PDZRN4: variants seen among roughly 807,000 people sequenced by gnomAD.
The protein encoded by PDZRN4 is PDZ domain containing ring finger 4, also known as PDZ domain-containing RING finger protein 4.
PDZRN4 carries 70 observed loss-of-function variants against 99.0 expected under a neutral mutation model. That is an observed-to-expected ratio of 0.71 (90% confidence interval 0.58 to 0.86). The LOEUF (loss-of-function observed/expected upper bound fraction) is 0.86, where lower values mean the gene tolerates loss of function less well. Among genes scored for constraint, PDZRN4 ranks in the 40% least tolerant of loss-of-function variants. The pLI is 0.00. For synonymous variants in PDZRN4, 551 were observed against 501.6 expected (o/e 1.10, Z -1.32); for missense variants, 1,474 against 1,331.2 (o/e 1.11, Z -1.67).
At chr12:41,503,825 G>A (rs368168113) in intron 3 of PDZRN4, among the ~76,000 whole-genome samples, 3 of 152,264 alleles carry the variant, frequency 2.0e-5, no homozygotes, top group East Asian at 1.9e-4. Flanking sequence ...GGAAGAAACC[G>A]TGGTCACGAG....
chr12:41,434,276 C>T (rs1952610183), intron 3 of PDZRN4, among the ~76,000 whole-genome samples: 1 of 152,080 alleles, frequency 6.6e-6, no homozygotes, highest in African/African-American at 2.4e-5. Flanking sequence ...GCTTAATATG[C>T]TCCTCTGTTC....
At position 41,478,031 on chromosome 12, in the gene PDZRN4, G is replaced by A. The variant is rs552211291; in HGVS notation, c.844-28425G>A. 70 of 686,824 alleles carry A rather than the reference G, an allele frequency of 1.0e-4. No individual in the cohort carries two copies. The African/African-American group carries it at 1.0e-3, about 10-fold the overall frequency. 42.5% of individuals were successfully genotyped at this position (686,824 alleles called of 1,614,324 possible). A position where few individuals can be genotyped will look rare whatever the true frequency, so the allele number is the denominator to read the frequency against. ...CAAATGTGGCTGCTTTGGTCTTTGT[G>A]ACCACTGGTTCTGTGTCCCCCAATA... On this transcript the variant is annotated intron_variant, in intron 3 of 9. Coordinates refer to ENST00000402685, the MANE Select transcript of PDZRN4 (RefSeq NM_001164595.2).
At chr12:41,271,820 A>G (rs773647605) in intron 3 of PDZRN4, among the ~76,000 whole-genome samples, 4 of 152,098 alleles carry the variant, frequency 2.6e-5, no homozygotes, top group Non-Finnish European at 4.4e-5. Flanking sequence ...TTACAATTGC[A>G]TTGAAAACAA....
chr12:41,241,723 T>A (rs1456251155), intron 3 of PDZRN4, among the ~76,000 whole-genome samples: 1 of 152,184 alleles, frequency 6.6e-6, no homozygotes, highest in Middle Eastern at 3.2e-3. Flanking sequence ...TGACCTTGTG[T>A]TTCTTAAGAT....
chr12:41,291,412 T>C (rs149884472), intron 3 of PDZRN4, among the ~76,000 whole-genome samples: 1 of 152,312 alleles, frequency 6.6e-6, no homozygotes, highest in African/African-American at 2.4e-5. Flanking sequence ...TAATTTCTTA[T>C]TTAGTGGCTA....
At chr12:41,212,979 A>G (rs1338061752) in intron 3 of PDZRN4, among the ~76,000 whole-genome samples, 1 of 151,960 alleles carries the variant, frequency 6.6e-6, no homozygotes, top group Non-Finnish European at 1.5e-5. Context: ...GGAGGGGCTA[A>G]TTATTGGAAC....
intron 3 of PDZRN4, among the ~76,000 whole-genome samples, chr12:41,215,545 G>A (rs1950914630): frequency 6.6e-6 from 1 of 151,974 alleles, no homozygotes; most frequent in African/African-American, 2.4e-5. Context: ...TAGTAGAATA[G>A]TAAAGCAAGT....
chr12:41,519,354 C>T (rs1231654003), intron 5 of PDZRN4, among the ~76,000 whole-genome samples: 1 of 152,056 alleles, frequency 6.6e-6, no homozygotes, highest in Non-Finnish European at 1.5e-5. Context: ...TTAAAACAAA[C>T]TTGCTTTCTA....
At chr12:41,207,704 T>C (rs1201752620) in intron 3 of PDZRN4, among the ~76,000 whole-genome samples, 2 of 151,858 alleles carry the variant, frequency 1.3e-5, no homozygotes, top group Non-Finnish European at 2.9e-5. Flanking sequence ...GGCAAATGGC[T>C]ATGTGTAACA....
At chr12:41,552,124 C>G (rs1216157709) in intron 5 of PDZRN4, among the ~76,000 whole-genome samples, 1 of 152,120 alleles carries the variant, frequency 6.6e-6, no homozygotes, top group East Asian at 1.9e-4. Flanking sequence ...TAATAGAAAA[C>G]CTTGGCCTGA....
At chr12:41,501,007 G>A (rs1938099260) in intron 3 of PDZRN4, among the ~76,000 whole-genome samples, 1 of 152,108 alleles carries the variant, frequency 6.6e-6, no homozygotes, top group Non-Finnish European at 1.5e-5. Flanking sequence ...GTGAGGGTGG[G>A]AGATCTTGTA....
intron 3 of PDZRN4, among the ~76,000 whole-genome samples, chr12:41,343,316 G>A (rs1951830024): frequency 6.6e-6 from 1 of 151,856 alleles, no homozygotes; most frequent in Non-Finnish European, 1.5e-5. Context: ...TTTTAATTGA[G>A]CTTACTTGAA....
chr12:41,570,197 A>G (rs1939449593), intron 9 of PDZRN4, among the ~76,000 whole-genome samples: 2 of 152,212 alleles, frequency 1.3e-5, no homozygotes, highest in South Asian at 4.1e-4. Flanking sequence ...CTTCACCATG[A>G]GACTAAAAAA....
At chr12:41,462,415 G>A (rs2120538288) in intron 3 of PDZRN4, among the ~76,000 whole-genome samples, 1 of 152,286 alleles carries the variant, frequency 6.6e-6, no homozygotes, top group African/African-American at 2.4e-5. Context: ...AAAAGGTATT[G>A]ACATGGTTTA....
chr12:41,563,849 C>CA (rs1399765163), intron 8 of PDZRN4, among the ~76,000 whole-genome samples, 200 bp downstream of exon 8: 1 of 152,094 alleles, frequency 6.6e-6, no homozygotes, highest in Non-Finnish European at 1.5e-5. Context: ...TTAAGGTATA[C>CA]AAAATACAAT....
chr12:41,211,077 G>C (rs1420427229), intron 3 of PDZRN4, among the ~76,000 whole-genome samples: 1 of 151,854 alleles, frequency 6.6e-6, no homozygotes, highest in Non-Finnish European at 1.5e-5. Context: ...AAAATCACAA[G>C]ACAGTGTTTC....
chr12:41,357,984 C>A (rs1951939157), intron 3 of PDZRN4, among the ~76,000 whole-genome samples: 1 of 151,986 alleles, frequency 6.6e-6, no homozygotes, highest in Non-Finnish European at 1.5e-5. Context: ...TTCACTTCAG[C>A]CAAGACATTG....
chr12:41,487,242 T>G (rs1045323994), intron 3 of PDZRN4, among the ~76,000 whole-genome samples: 4 of 116,366 alleles, frequency 3.4e-5, no homozygotes, highest in African/African-American at 8.8e-5. Flanking sequence ...ACATGGCTGG[T>G]GCCCAATAAT....
chr12:41,533,904 G>A (rs1592100468), intron 5 of PDZRN4, among the ~76,000 whole-genome samples: 1 of 151,874 alleles, frequency 6.6e-6, no homozygotes, highest in South Asian at 2.1e-4. Context: ...TCTTTTATGT[G>A]AATTGATTGA....
Sources: allele counts gnomAD v4.1 joint callset (sites outside exome capture counted in the v4.1 genomes callset), GRCh38; gene constraint gnomAD v4.1.1; transcripts MANE v1.5; gene names NCBI Gene and HGNC (gene_info 2026-07-23, HGNC 2026-07-21).